The following VWA3B variants were observed in gnomAD, a reference collection of about 807,000 sequenced individuals.
VWA3B encodes von Willebrand factor A domain containing 3B.
Under a neutral mutation model 158.3 loss-of-function variants are expected in VWA3B, and 138 were observed. That is an observed-to-expected ratio of 0.87 (90% CI 0.76 to 1.00). VWA3B has a LOEUF of 1.00. Ranked by LOEUF, VWA3B falls within the 50% of genes least tolerant of loss-of-function variation. VWA3B has a pLI of 0.00. For synonymous variants in VWA3B, 596 were observed against 587.3 expected (o/e 1.01, Z -0.21); for missense variants, 1,555 against 1,565.1 (o/e 0.99, Z 0.11).
At chr2:98,097,877 CAT>C (rs1367217001) in intron 2 of VWA3B, among the ~76,000 whole-genome samples, 4 of 151,942 alleles carry the variant, frequency 2.6e-5, no homozygotes, top group African/African-American at 9.7e-5. Flanking sequence ...AGCATTTTTT[CAT>C]ATGTTTGTTG....
chr2:98,238,896 GA>G (rs1173407430), intron 19 of VWA3B, among the ~76,000 whole-genome samples: 1 of 151,682 alleles, frequency 6.6e-6, no homozygotes, highest in Non-Finnish European at 1.5e-5. Flanking sequence ...AAATTTTAGG[GA>G]AAAAAAGGAA....
chr2:98,144,756 G>A (rs771814618), intron 7 of VWA3B, among the ~76,000 whole-genome samples: 4 of 151,940 alleles, frequency 2.6e-5, no homozygotes, highest in Admixed American at 1.3e-4. Flanking sequence ...TAGTAGAGAC[G>A]GGGTTTTGCC....
intron 7 of VWA3B, among the ~76,000 whole-genome samples, chr2:98,160,298 C>G (rs1207074876): frequency 6.6e-6 from 1 of 152,114 alleles, no homozygotes; most frequent in African/African-American, 2.4e-5. Flanking sequence ...TGTTCTGTAG[C>G]TTTCTTTTTC....
chr2:98,256,008 C>A (rs1469854049), intron 20 of VWA3B, 116 bp from the exon 21 acceptor site: 16 of 1,100,124 alleles, frequency 1.5e-5, no homozygotes, highest in Non-Finnish European at 2.1e-5. Flanking sequence ...ATGACAGTGG[C>A]CTGGCTCAGT....
chr2:98,324,176 T>C, the VWA3B span, among the ~76,000 whole-genome samples: 1 of 152,168 alleles, frequency 6.6e-6, no homozygotes, highest in Non-Finnish European at 1.5e-5. Flanking sequence ...CACTTTTTTT[T>C]TTTTTAGACT....
At chr2:98,202,332 G>A (rs1682618879) in intron 12 of VWA3B, among the ~76,000 whole-genome samples, 1 of 152,092 alleles carries the variant, frequency 6.6e-6, no homozygotes. Flanking sequence ...TTTCCTTAAT[G>A]TTTGTGGGAT....
chr2:98,140,053 C>T (rs546084590), intron 7 of VWA3B, among the ~76,000 whole-genome samples: 13 of 152,156 alleles, frequency 8.5e-5, no homozygotes, highest in South Asian at 4.2e-4. Context: ...TAACACTCAC[C>T]GTGAAGGTCT....
chr2:98,318,239 A>G (rs1691129092), downstream of VWA3B, among the ~76,000 whole-genome samples: 1 of 152,218 alleles, frequency 6.6e-6, no homozygotes, highest in Admixed American at 6.5e-5. Flanking sequence ...CCAAAGAAAT[A>G]TAAATTTTTT....
chr2:98,322,345 C>T, the VWA3B span, among the ~76,000 whole-genome samples: 11 of 152,316 alleles, frequency 7.2e-5, no homozygotes, highest in East Asian at 1.3e-3. Context: ...CAACAAAAAA[C>T]TATAGCCTAA....
chr2:98,128,136 A>AT (rs1251967819), intron 5 of VWA3B, 103 bp from the exon 6 acceptor site: 15 of 1,423,564 alleles, frequency 1.1e-5, no homozygotes, highest in Non-Finnish European at 1.2e-5. Flanking sequence ...CTTTCTGCCC[A>AT]TTTTTTCTAA....
intron 1 of VWA3B, 90 bp downstream of exon 1, chr2:98,087,453 A>G (rs1362194889): frequency 2.0e-5 from 3 of 152,146 alleles, no homozygotes; most frequent in Non-Finnish European, 4.4e-5. Flanking sequence ...GAAAAATGCC[A>G]TTTCTGAGGT....
intron 25 of VWA3B, 103 bp downstream of exon 25, chr2:98,300,319 G>A (rs971675995): frequency 5.9e-6 from 9 of 1,514,434 alleles, no homozygotes; most frequent in Non-Finnish European, 7.2e-6. Context: ...GGCTGCATCT[G>A]CTGCCCTGCT....
At position 98,188,140 on chromosome 2, in the gene VWA3B, T is replaced by C. The variant is rs771970679; in HGVS notation, c.1466+11T>C. On this transcript the variant is annotated intron_variant, in intron 10 of 27. Transcript: ENST00000477737. ...CCGGATCCGAAGGAGGTTGGTGTTA[T>C]TTGCAGGAAGTTACAAGTGGTCTCC... The C allele has an allele frequency of 1.0e-5, 16 of 1,606,512 alleles. No homozygotes were observed. The South Asian group carries it at 1.7e-4, about 17-fold the overall frequency.
intron 13 of VWA3B, among the ~76,000 whole-genome samples, chr2:98,214,151 A>G (rs1234657380): frequency 6.6e-6 from 1 of 152,000 alleles, no homozygotes; most frequent in Admixed American, 6.5e-5. Context: ...TGATCGTGCT[A>G]CTGCACTCCA....
In VWA3B at chr2:98,303,723, C is replaced by G. The variant is rs1282866897; in HGVS notation, c.3442C>G (p.Leu1148Val). The G allele has an allele frequency of 1.9e-6, 3 of 1,614,036 alleles. No individual in the cohort carries two copies. Among genetic ancestry groups the G allele is most frequent in the Non-Finnish European group, 2.5e-6 (3 of 1,180,034 alleles). ...ACAGGAATTTTGCCCTCGGAGTGCA[C>G]TTATTAAGATCAGCCAAAACAAGTA... ...NRREFCPRSA[L>V]IKISQNKYAL... The change falls in exon 26 of 28, where the codon CTT becomes GTT. Residue 1148 changes from leucine (L) to valine (V), a missense_variant. Leu to Val is a conservative substitution (Grantham distance 32, BLOSUM62 1). Transcript: ENST00000477737.
At chr2:98,102,563 C>T (rs549026105) in intron 2 of VWA3B, among the ~76,000 whole-genome samples, 96 of 152,284 alleles carry the variant, frequency 6.3e-4, no homozygotes, top group Non-Finnish European at 9.7e-4. Context: ...CCAGATGGGG[C>T]GGCCGGCCCT....
the VWA3B span, among the ~76,000 whole-genome samples, chr2:98,325,575 G>A: frequency 2.0e-5 from 3 of 152,134 alleles, no homozygotes; most frequent in African/African-American, 4.8e-5. Context: ...ACAGAAAATC[G>A]TATCTTAAGG....
the VWA3B span, among the ~76,000 whole-genome samples, chr2:98,328,719 T>C: frequency 4.6e-5 from 7 of 152,172 alleles, no homozygotes; most frequent in Non-Finnish European, 8.8e-5. Flanking sequence ...AGTTCATAGA[T>C]TGGGGGGAAA....
chr2:98,194,254 A>G (rs1681840512), intron 11 of VWA3B, 107 bp from the exon 12 acceptor site: 1 of 1,177,102 alleles, frequency 8.5e-7, no homozygotes, highest in Non-Finnish European at 1.2e-6. Context: ...TGCTTCTTGA[A>G]CTGAAAATAG....
Sources: gnomAD v4.1 joint callset for allele counts (sites outside exome capture counted in the v4.1 genomes callset) on GRCh38, gnomAD v4.1.1 for gene constraint, MANE v1.5 for transcripts, NCBI Gene and HGNC (gene_info 2026-07-23, HGNC 2026-07-21) for gene names.